COQ8A: variants seen among roughly 807,000 people sequenced by gnomAD.
COQ8A encodes atypical kinase COQ8A, mitochondrial.
COQ8A carries 51 observed loss-of-function variants against 65.0 expected under a neutral mutation model. The ratio of observed to expected loss-of-function variants is 0.78; its 90% CI spans 0.63 to 0.99. COQ8A has a LOEUF of 0.99. Among genes scored for constraint, COQ8A ranks in the 50% least tolerant of loss-of-function variants. The probability of loss-of-function intolerance (pLI) is 0.00; values close to 1 mark genes in which losing one functional copy is unlikely to be tolerated. For missense variants in COQ8A, 940 were observed against 875.0 expected, an observed-to-expected ratio of 1.07 and a Z score of -0.94; for synonymous variants, 371 against 353.2, an observed-to-expected ratio of 1.05 and a Z score of -0.57.
intron 14 of COQ8A, 143 bp downstream of exon 14, chr1:226,985,483 G>A: frequency 1.2e-6 from 1 of 847,226 alleles, no homozygotes; most frequent in Non-Finnish European, 1.9e-6. Context: ...TGAAAGCTGG[G>A]GCCCACCCCG....
intron 5 of COQ8A, among the ~76,000 whole-genome samples, chr1:226,978,114 C>A (rs1016682398): frequency 1.3e-5 from 2 of 149,408 alleles, no homozygotes; most frequent in African/African-American, 2.5e-5. Flanking sequence ...ACGTCACACA[C>A]CCCCTGCACA....
At chr1:226,968,368 A>G (rs1658684483) in intron 4 of COQ8A, among the ~76,000 whole-genome samples, 1 of 152,174 alleles carries the variant, frequency 6.6e-6, no homozygotes, top group Non-Finnish European at 1.5e-5. Flanking sequence ...AATTCAATAG[A>G]AAAGATTAGA....
intron 6 of COQ8A, 149 bp downstream of exon 6, chr1:226,982,298 T>G (rs1413562649): frequency 2.5e-6 from 3 of 1,224,338 alleles, no homozygotes; most frequent in Non-Finnish European, 3.4e-6. Flanking sequence ...AGGCCTGGTC[T>G]CCAGACGGGT....
intron 1 of COQ8A, among the ~76,000 whole-genome samples, chr1:226,960,253 G>T (rs1658084851): frequency 6.8e-6 from 1 of 147,216 alleles, no homozygotes; most frequent in African/African-American, 2.5e-5. Flanking sequence ...GTCCTTGGTG[G>T]TGGTGGTGGT....
intron 1 of COQ8A, among the ~76,000 whole-genome samples, chr1:226,950,758 C>CT (rs5781453): frequency 0.96 from 144,188 of 149,530 alleles, 69,555 homozygotes; most frequent in Non-Finnish European, 0.98. Flanking sequence ...TAGTTGCTTG[C>CT]TTTTTTTTTT....
chr1:226,970,285 G>A (rs1424603112), intron 4 of COQ8A, among the ~76,000 whole-genome samples: 1 of 152,226 alleles, frequency 6.6e-6, no homozygotes, highest in Non-Finnish European at 1.5e-5. Flanking sequence ...TTCAGTCCGA[G>A]AAATGTGTCG....
chr1:226,955,079 G>A (rs1657605524), intron 1 of COQ8A, among the ~76,000 whole-genome samples: 1 of 152,118 alleles, frequency 6.6e-6, no homozygotes, highest in Non-Finnish European at 1.5e-5. Context: ...GAAGGGCAGA[G>A]CCATGGTGAA....
intron 4 of COQ8A, among the ~76,000 whole-genome samples, chr1:226,968,229 G>A (rs879274899): frequency 2.0e-5 from 3 of 152,102 alleles, no homozygotes; most frequent in Non-Finnish European, 4.4e-5. Flanking sequence ...CAGCTACTCG[G>A]GAGGCTGAGG....
intron 4 of COQ8A, among the ~76,000 whole-genome samples, chr1:226,974,285 C>G (rs988889682): frequency 6.6e-6 from 1 of 152,208 alleles, no homozygotes; most frequent in African/African-American, 2.4e-5. Context: ...TAACTTCTCT[C>G]GGAGAAACAT....
chr1:226,965,570 G>T, intron 3 of COQ8A, 101 bp from the exon 4 acceptor site: 1 of 1,521,438 alleles, frequency 6.6e-7, no homozygotes, highest in South Asian at 1.1e-5. Context: ...CGGAGCTGCT[G>T]ACTGTGGGGT....
Position 226,983,536 on chromosome 1 carries a change from A to G in COQ8A, c.1081-16A>G. On this transcript the variant is annotated splice_polypyrimidine_tract_variant and intron_variant, in intron 8 of 14. Transcript: ENST00000366777. ...CTCCCTGGGCTAACTCCCCTGCCTC[A>G]CCCATACCCCCACAGTACCCTGGCG... 1 of 1,612,758 alleles carries G rather than the reference A, an allele frequency of 6.2e-7. No homozygotes were observed. Among genetic ancestry groups the G allele is most frequent in the Non-Finnish European group, 8.5e-7 (1 of 1,179,178 alleles).
At chr1:226,977,654 G>C in intron 5 of COQ8A, 131 bp downstream of exon 5, 1 of 993,476 alleles carries the variant, frequency 1.0e-6, no homozygotes, top group African/African-American at 1.6e-5. Context: ...CCACGTAAGT[G>C]GCGTCCCTGG....
intron 1 of COQ8A, among the ~76,000 whole-genome samples, chr1:226,959,926 A>G (rs1658048186): frequency 6.6e-6 from 1 of 152,270 alleles, no homozygotes; most frequent in African/African-American, 2.4e-5. Context: ...GAACTAAGAA[A>G]GCTACCCACA....
chr1:226,977,986 C>G (rs1295229404), intron 5 of COQ8A, among the ~76,000 whole-genome samples: 1 of 149,944 alleles, frequency 6.7e-6, no homozygotes, highest in Non-Finnish European at 1.5e-5. Context: ...ACTGAACACC[C>G]ACACACCTCC....
chr1:226,963,238 G>T (rs372967409), intron 2 of COQ8A, among the ~76,000 whole-genome samples: 1 of 152,236 alleles, frequency 6.6e-6, no homozygotes, highest in East Asian at 1.9e-4. Flanking sequence ...CGGGAGCAGG[G>T]TAGGCACCGG....
chr1:226,970,571 T>C (rs745899652), intron 4 of COQ8A, among the ~76,000 whole-genome samples: 1 of 152,262 alleles, frequency 6.6e-6, no homozygotes, highest in Non-Finnish European at 1.5e-5. Flanking sequence ...TGACCGTGCA[T>C]GTTCTCTCTT....
intron 1 of COQ8A, among the ~76,000 whole-genome samples, chr1:226,960,412 C>CTTGGTGGT: frequency 1.6e-4 from 1 of 6,314 alleles, no homozygotes; most frequent in African/African-American, 7.7e-4. Flanking sequence ...TTGGTGGTGG[C>CTTGGTGGT]GGTGGTACTT....
intron 13 of COQ8A, 79 bp from the exon 14 acceptor site, chr1:226,985,175 G>A (rs1660010061): frequency 1.3e-6 from 2 of 1,494,788 alleles, no homozygotes; most frequent in Non-Finnish European, 1.9e-6. Flanking sequence ...GTGGGCTCGG[G>A]TGTGGCACTT....
intron 5 of COQ8A, among the ~76,000 whole-genome samples, chr1:226,978,430 CCT>C (rs1196503015): frequency 2.8e-4 from 42 of 149,546 alleles, no homozygotes; most frequent in Admixed American, 7.3e-4. Context: ...CACACACCCA[CCT>C]CTCACCCACA....
Sources: allele counts gnomAD v4.1 joint callset (sites outside exome capture counted in the v4.1 genomes callset), GRCh38; gene constraint gnomAD v4.1.1; transcripts MANE v1.5; gene names NCBI Gene and HGNC (gene_info 2026-07-23, HGNC 2026-07-21).